Variants in SLA2 observed in about 807,000 individuals in gnomAD.
SLA2 encodes src-like-adapter 2.
SLA2 carries 22 observed loss-of-function variants against 27.3 expected under a neutral mutation model. The ratio of observed to expected loss-of-function variants is 0.81; its 90% CI spans 0.58 to 1.15. The LOEUF (loss-of-function observed/expected upper bound fraction) is 1.15. Ranked by LOEUF, SLA2 falls within the 50% of genes most tolerant of loss-of-function variation. The pLI is 0.00. For synonymous variants in SLA2, 131 were observed against 137.8 expected (o/e 0.95, Z 0.34); for missense variants, 304 against 322.2 (o/e 0.94, Z 0.43).
chr20:36,638,465 A>T lies in SLA2; in HGVS notation c.91+2780T>A, dbSNP rs1202413920. Among the ~76,000 whole-genome samples, 6 of 151,824 alleles carry T rather than the reference A, an allele frequency of 4.0e-5. No homozygotes were observed. The East Asian group carries it at 1.2e-3, about 30-fold the overall frequency. On this transcript the variant is annotated intron_variant, in intron 2 of 7. Transcript: ENST00000262866. ...TGTCTCAGCCTCCAGAGTAGCTGGG[A>T]CTACAGGTGCATGCCACCACGCCCG... is the stretch of plus-strand genomic sequence containing the variant.
rs2039181014 is a variant in SLA2 at position 36,614,367 on chromosome 20, G to C, written c.603C>G (p.Gly201=). ...CVLQRAGPLP[G]KDIPLPVTVQ... ...CAGTCACAGGTAGGGGTATATCCTT[G>C]CCAGGGAGCGGGCCAGCCCTCTGCA... Residue 201 remains glycine, a synonymous_variant, in exon 7 of 8, where the codon GGC becomes GGG. Transcript: ENST00000262866. The C allele has an allele frequency of 1.2e-6, 2 of 1,614,168 alleles. No individual in the cohort carries two copies. Among genetic ancestry groups the C allele is most frequent in the Non-Finnish European group, 1.7e-6 (2 of 1,180,024 alleles).
intron 5 of SLA2, among the ~76,000 whole-genome samples, chr20:36,629,458 C>T (rs1158476160): frequency 7.4e-6 from 1 of 135,658 alleles, no homozygotes; most frequent in Non-Finnish European, 1.6e-5. Flanking sequence ...ATGGCAAAAC[C>T]CCGTTTCTAC....
chr20:36,634,863 G>A (rs1875291), intron 2 of SLA2, among the ~76,000 whole-genome samples: 1 of 151,976 alleles, frequency 6.6e-6, no homozygotes. Flanking sequence ...CTGCACGTAG[G>A]CTGAGCGACA....
chr20:36,617,076 G>A (rs958350659), intron 5 of SLA2, among the ~76,000 whole-genome samples: 4 of 152,042 alleles, frequency 2.6e-5, no homozygotes, highest in African/African-American at 4.8e-5. Flanking sequence ...CCAAGGCCGG[G>A]GACGGGTGCA....
chr20:36,623,324 T>C (rs1853216110), intron 5 of SLA2, among the ~76,000 whole-genome samples: 1 of 151,646 alleles, frequency 6.6e-6, no homozygotes, highest in African/African-American at 2.4e-5. Flanking sequence ...GATTGATTAT[T>C]TTCCATCTAA....
chr20:36,645,385 G>A (rs1978287186), intron 1 of SLA2, among the ~76,000 whole-genome samples: 1 of 151,922 alleles, frequency 6.6e-6, no homozygotes, highest in East Asian at 1.9e-4. Context: ...AAATGAATTT[G>A]GATTGAGTTA....
At chr20:36,617,760 G>A (rs1171661036) in intron 5 of SLA2, among the ~76,000 whole-genome samples, 1 of 151,738 alleles carries the variant, frequency 6.6e-6, no homozygotes, top group Non-Finnish European at 1.5e-5. Context: ...AGGAGGCTGA[G>A]GCAGGAGACT....
At chr20:36,634,687 C>A in intron 2 of SLA2, 98 bp from the exon 3 acceptor site, 6 of 661,002 alleles carry the variant, frequency 9.1e-6, no homozygotes, top group Non-Finnish European at 1.5e-5. Flanking sequence ...CAGCATCAGC[C>A]CTCCACAAGC....
At chr20:36,614,094 T>G in intron 7 of SLA2, 108 bp from the exon 8 acceptor site, 4 of 1,511,830 alleles carry the variant, frequency 2.6e-6, no homozygotes, top group Non-Finnish European at 3.6e-6. Context: ...GCTGAGGACC[T>G]CATGGGGCTC....
In SLA2 at chr20:36,645,234, G is replaced by A. The variant is rs185220569; in HGVS notation, c.-44+603C>T. Reference sequence around the variant, plus strand: ...TATAACGAATTAGCTGGGCATGGTGGTACATGCCTGTAGTCTCAGCTACTT... The same window carrying A: ...TATAACGAATTAGCTGGGCATGGTGATACATGCCTGTAGTCTCAGCTACTT... On this transcript the variant is annotated intron_variant, in intron 1 of 7. Coordinates refer to ENST00000262866, the MANE Select transcript of SLA2 (RefSeq NM_032214.4). 6.7e-5 allele frequency among the ~76,000 whole-genome samples: 10 copies of A among 149,894 alleles called. No homozygotes were observed. In the East Asian group the frequency reaches 2.0e-3, roughly 29 times the overall value.
chr20:36,623,266 C>CAAA lies in SLA2; in HGVS notation c.383-7895_383-7893dup, dbSNP rs776399343. 2.5e-3 allele frequency among the ~76,000 whole-genome samples: 130 copies of CAAA among 51,954 alleles called. 2 individuals carry two copies. The highest frequency in any genetic ancestry group is 0.01 in the Middle Eastern group (1 of 98). 34.1% of individuals were successfully genotyped at this position (51,954 alleles called of 152,430 possible). On this transcript the variant is annotated intron_variant, in intron 5 of 7. Coordinates refer to ENST00000262866, the MANE Select transcript of SLA2 (RefSeq NM_032214.4). The stretch of plus-strand genomic sequence containing the variant: ...TGGGTGACAGAGTGACATTACATCT[C>CAAA]AAAAAAAAAAAAAAAAAAAAAAAAT...
At chr20:36,617,464 G>T (rs1441915893) in intron 5 of SLA2, among the ~76,000 whole-genome samples, 2 of 150,514 alleles carry the variant, frequency 1.3e-5, no homozygotes, top group Non-Finnish European at 3.0e-5. Flanking sequence ...AGCCCGGGAG[G>T]TGAAGGTTGC....
chr20:36,640,260 C>T (rs1168118271), intron 2 of SLA2, among the ~76,000 whole-genome samples: 1 of 152,110 alleles, frequency 6.6e-6, no homozygotes, highest in Non-Finnish European at 1.5e-5. Context: ...GTAAGCTTCA[C>T]TGCACTCCAG....
At chr20:36,638,318 TTTTTGTTTTG>T (rs199537452) in intron 2 of SLA2, among the ~76,000 whole-genome samples, 2,376 of 151,902 alleles carry the variant, frequency 0.016, 68 homozygotes, top group African/African-American at 0.053. Context: ...CAATTTATTG[TTTTTGTTTTG>T]TTTTGTTTTG....
intron 5 of SLA2, among the ~76,000 whole-genome samples, chr20:36,624,857 CAG>C (rs2039320771): frequency 1.3e-5 from 2 of 152,202 alleles, no homozygotes; most frequent in Admixed American, 1.3e-4. Context: ...AGTTGACTGA[CAG>C]GGGAGCAGGT....
chr20:36,621,685 T>C (rs2039284889), intron 5 of SLA2, among the ~76,000 whole-genome samples: 1 of 150,878 alleles, frequency 6.6e-6, no homozygotes, highest in Non-Finnish European at 1.5e-5. Flanking sequence ...ACAATGAGGA[T>C]AAATGTAAAA....
Position 36,633,735 on chromosome 20 carries a change from C to T in SLA2, c.192-106G>A, listed in dbSNP as rs919912474. ...CCTCTCAGGCTGGATCCTGTGGCCACCTGTCCTGCCTGTTTCCCAGGCTTC... is the reference window on the plus strand; with the variant it reads ...CCTCTCAGGCTGGATCCTGTGGCCATCTGTCCTGCCTGTTTCCCAGGCTTC... On this transcript the variant is annotated intron_variant, in intron 3 of 7. Transcript: ENST00000262866. 2.8e-5 allele frequency: 23 copies of T among 832,536 alleles called. No homozygotes were observed. In the East Asian group the frequency reaches 5.0e-4, roughly 18 times the overall value. The allele number at this position is 832,536 out of a possible 1,614,324, so 51.6% of individuals were successfully genotyped here. A position where few individuals can be genotyped will look rare whatever the true frequency, so the allele number is the denominator to read the frequency against.
intron 5 of SLA2, among the ~76,000 whole-genome samples, chr20:36,625,961 C>T (rs1456777431): frequency 6.6e-6 from 1 of 151,244 alleles, no homozygotes; most frequent in Non-Finnish European, 1.5e-5. Flanking sequence ...CCTGTTTCTA[C>T]TCAAAATACA....
In SLA2 at chr20:36,614,889, G is replaced by T. The variant is rs930623774; in HGVS notation, c.532+336C>A. ...GACAGGCACCAGGAAGTACTAAGGA[G>T]AGTCAGGATTGAATCCCACACAGCA... On this transcript the variant is annotated intron_variant, in intron 6 of 7. Coordinates refer to ENST00000262866, the MANE Select transcript of SLA2 (RefSeq NM_032214.4). 8.1e-6 allele frequency: 8 copies of T among 985,228 alleles called. No homozygotes were observed. In the African/African-American group the frequency reaches 8.7e-5, roughly 11 times the overall value. 61.0% of individuals were successfully genotyped at this position (985,228 alleles called of 1,614,324 possible).
Sources: allele counts gnomAD v4.1 joint callset (sites outside exome capture counted in the v4.1 genomes callset), GRCh38; gene constraint gnomAD v4.1.1; transcripts MANE v1.5; gene names NCBI Gene and HGNC (gene_info 2026-07-23, HGNC 2026-07-21).